Variants in PLA2G5 observed in about 807,000 individuals in gnomAD.
PLA2G5 encodes the protein Ca2+-dependent phospholipase A2.
In PLA2G5, 12 loss-of-function variants were observed where a neutral mutation model predicts 15.9. That is an observed-to-expected ratio of 0.76 (90% confidence interval 0.48 to 1.23). The LOEUF is 1.23. Among genes scored for constraint, PLA2G5 ranks in the 50% most tolerant of loss-of-function variants. PLA2G5 has a pLI of 0.00. For missense variants in PLA2G5, 169 were observed against 177.1 expected (o/e 0.95, Z 0.26); for synonymous variants, 71 against 71.4 (o/e 0.99, Z 0.03).
chr1:20,032,937 G>A (rs1346850157), intron 1 of PLA2G5, among the ~76,000 whole-genome samples: 1 of 152,152 alleles, frequency 6.6e-6, no homozygotes, highest in Non-Finnish European at 1.5e-5. Flanking sequence ...CTTTAGTGGT[G>A]GTTCAGCCAC....
rs1316532507 is a variant in PLA2G5, at chr1:20,044,500, T to C, written n.277-15132T>C. Among the ~76,000 whole-genome samples the C allele has an allele frequency of 4.6e-5, 7 of 152,202 alleles. No individual in the cohort carries two copies. In the East Asian group the frequency reaches 9.6e-4, roughly 21 times the overall value. The stretch of plus-strand genomic sequence containing the variant: ...TCTGGGTCCAAGGCTGTAAAGCGTC[T>C]AAGGGTTGTTGCCAAACAAGCCATG... On this transcript the variant is annotated intron_variant and non_coding_transcript_variant, in intron 1 of 6. Transcript: ENST00000460175.
chr1:20,082,156 G>A (rs1007857402), intron 1 of PLA2G5, among the ~76,000 whole-genome samples: 2 of 151,946 alleles, frequency 1.3e-5, no homozygotes, highest in Non-Finnish European at 2.9e-5. Flanking sequence ...AAGAAGTAAA[G>A]TACACTTGGA....
At chr1:20,045,308 C>T (rs2013837620) in intron 1 of PLA2G5, among the ~76,000 whole-genome samples, 2 of 151,922 alleles carry the variant, frequency 1.3e-5, no homozygotes, top group South Asian at 2.1e-4. Context: ...GTGGTACTTG[C>T]CCCCCTGGGG....
chr1:20,086,275 A>T, intron 3 of PLA2G5, 48 bp downstream of exon 3: 1 of 1,579,486 alleles, frequency 6.3e-7, no homozygotes, highest in Non-Finnish European at 8.7e-7. Context: ...CTCTGCACCC[A>T]TGTTTTCTTA....
intron 1 of PLA2G5, among the ~76,000 whole-genome samples, chr1:20,044,593 T>A (rs1287342739): frequency 6.6e-6 from 1 of 151,956 alleles, no homozygotes; most frequent in African/African-American, 2.4e-5. Context: ...AGAGGTTGGA[T>A]AAAGAAAAAG....
intron 1 of PLA2G5, among the ~76,000 whole-genome samples, chr1:20,039,848 C>T (rs1401582709): frequency 6.6e-6 from 1 of 152,172 alleles, no homozygotes; most frequent in Non-Finnish European, 1.5e-5. Context: ...GGTCAGGTTT[C>T]TTAAACTTAG....
At chr1:20,074,531 C>T (rs186288099) in intron 1 of PLA2G5, among the ~76,000 whole-genome samples, 40 of 152,352 alleles carry the variant, frequency 2.6e-4, no homozygotes, top group Admixed American at 5.9e-4. Context: ...ATCTTGTCTG[C>T]ATTTTAAGTG....
intron 1 of PLA2G5, among the ~76,000 whole-genome samples, chr1:20,073,091 CA>C (rs1462298326): frequency 1.3e-5 from 2 of 152,122 alleles, no homozygotes; most frequent in Non-Finnish European, 2.9e-5. Context: ...TCTTGCCAGG[CA>C]GAGTGACAGC....
chr1:20,087,156 C>A (rs1227421801), intron 3 of PLA2G5, among the ~76,000 whole-genome samples: 2 of 152,140 alleles, frequency 1.3e-5, no homozygotes, highest in Admixed American at 6.5e-5. Flanking sequence ...GCATAGATAT[C>A]ATGGATATAT....
chr1:20,080,685 A>G (rs1384065786), intron 1 of PLA2G5, among the ~76,000 whole-genome samples: 1 of 150,174 alleles, frequency 6.7e-6, no homozygotes, highest in East Asian at 1.9e-4. Context: ...GTGACTTACC[A>G]GGAATCTTGG....
chr1:20,059,218 A>G (rs1453548691), intron 1 of PLA2G5, among the ~76,000 whole-genome samples: 1 of 151,700 alleles, frequency 6.6e-6, no homozygotes, highest in Non-Finnish European at 1.5e-5. Flanking sequence ...GGATCGCTTG[A>G]GCTCAGAAGT....
Position 20,084,845 on chromosome 1 carries a change from C to G in PLA2G5, c.15C>G (p.Leu5=), listed in dbSNP as rs150035047. MKGL[L]PLAWFLACSV... Reference sequence around the variant, plus strand: ...GAACCCCAGAGATGAAAGGCCTCCTCCCACTGGCTTGGTTCCTGGCTTGTA... The same window carrying G: ...GAACCCCAGAGATGAAAGGCCTCCTGCCACTGGCTTGGTTCCTGGCTTGTA... The change falls in exon 2 of 5, where the codon CTC becomes CTG. Residue 5 remains leucine, a synonymous_variant. Coordinates refer to ENST00000375108, the MANE Select transcript of PLA2G5 (RefSeq NM_000929.3). 12 of 1,610,328 alleles carry G rather than the reference C, an allele frequency of 7.5e-6. No individual in the cohort carries two copies. In the African/African-American group the frequency reaches 1.6e-4, roughly 22 times the overall value.
intron 2 of PLA2G5, among the ~76,000 whole-genome samples, chr1:20,061,332 C>T (rs2014717817): frequency 6.6e-6 from 1 of 152,132 alleles, no homozygotes; most frequent in African/African-American, 2.4e-5. Flanking sequence ...CACCTCTAAT[C>T]CCAGCGCTTT....
chr1:20,046,348 T>C (rs1374147840), intron 1 of PLA2G5, among the ~76,000 whole-genome samples: 2 of 152,148 alleles, frequency 1.3e-5, no homozygotes, highest in African/African-American at 4.8e-5. Flanking sequence ...TAACAAAGCC[T>C]CTCTAATTTG....
In PLA2G5 at chr1:20,058,221, G is replaced by A. The variant is rs1487064367; in HGVS notation, n.277-1411G>A. 2.0e-5 allele frequency among the ~76,000 whole-genome samples: 3 copies of A among 152,282 alleles called. No homozygotes were observed. The East Asian group carries it at 5.8e-4, about 29-fold the overall frequency. ...TGGCTCTGTTCATTACTGAGAGAGG[G>A]TGGTTATGTCTCCAACTATAATAGT... On this transcript the variant is annotated intron_variant and non_coding_transcript_variant, in intron 1 of 6. Coordinates refer to the PLA2G5 transcript ENST00000460175.
chr1:20,029,657 C>G (rs987961970), intron 1 of PLA2G5, among the ~76,000 whole-genome samples: 2 of 152,122 alleles, frequency 1.3e-5, no homozygotes, highest in African/African-American at 2.4e-5. Context: ...GTCCCTTCTC[C>G]CCTTCCATAT....
At chr1:20,047,987 A>T (rs2014000709) in intron 1 of PLA2G5, among the ~76,000 whole-genome samples, 1 of 152,182 alleles carries the variant, frequency 6.6e-6, no homozygotes, top group Non-Finnish European at 1.5e-5. Context: ...TTATTGAAAC[A>T]GGTTTTCAAG....
chr1:20,032,777 C>T (rs542778580), intron 1 of PLA2G5, among the ~76,000 whole-genome samples: 1 of 152,156 alleles, frequency 6.6e-6, no homozygotes, highest in Non-Finnish European at 1.5e-5. Context: ...TTTGTTCTTC[C>T]TGGGTATATA....
At chr1:20,065,058 T>C (rs1386796183) in intron 2 of PLA2G5, among the ~76,000 whole-genome samples, 1 of 152,190 alleles carries the variant, frequency 6.6e-6, no homozygotes, top group African/African-American at 2.4e-5. Context: ...TGCATTGTAA[T>C]GAGAATGCAC....
Sources: gnomAD v4.1 joint callset for allele counts (sites outside exome capture counted in the v4.1 genomes callset) on GRCh38, gnomAD v4.1.1 for gene constraint, MANE v1.5 for transcripts, NCBI Gene and HGNC (gene_info 2026-07-23, HGNC 2026-07-21) for gene names.